TRANK1: variants seen among roughly 807,000 people sequenced by gnomAD.
TRANK1 encodes TPR and ankyrin repeat-containing protein 1.
TRANK1 carries 198 observed loss-of-function variants against 266.0 expected under a neutral mutation model. That is an observed-to-expected ratio of 0.74 (90% CI 0.66 to 0.84). The LOEUF (loss-of-function observed/expected upper bound fraction) is 0.84, where lower values mean the gene tolerates loss of function less well. TRANK1 is among the 40% of genes least tolerant of loss of function. TRANK1 has a pLI of 0.00. For missense variants in TRANK1, 3,326 were observed against 3,634.6 expected, an observed-to-expected ratio of 0.92 and a Z score of 2.18; for synonymous variants, 1,396 against 1,384.1, an observed-to-expected ratio of 1.01 and a Z score of -0.19.
chr3:36,875,047 A>T (rs2079366501), intron 8 of TRANK1, among the ~76,000 whole-genome samples: 1 of 151,668 alleles, frequency 6.6e-6, no homozygotes, highest in South Asian at 2.1e-4. Flanking sequence ...TTTCCCACCC[A>T]TCGAGAATCT....
chr3:36,847,504 G>T (rs1219569418), intron 15 of TRANK1, among the ~76,000 whole-genome samples, 158 bp from the exon 16 acceptor site: 4 of 152,124 alleles, frequency 2.6e-5, no homozygotes, highest in Admixed American at 2.0e-4. Context: ...ATGGATAGGA[G>T]GGAGATTAAC....
chr3:36,889,708 A>G lies in TRANK1; in HGVS notation c.907+121T>C, dbSNP rs1299111721. 6 of 1,309,898 alleles carry G rather than the reference A, an allele frequency of 4.6e-6. No individual in the cohort carries two copies. The African/African-American group carries it at 7.5e-5, about 16-fold the overall frequency. 81.1% of individuals were successfully genotyped at this position (1,309,898 alleles called of 1,614,324 possible). On this transcript the variant is annotated intron_variant, in intron 8 of 23. Transcript: ENST00000645898. Reference sequence around the variant, plus strand: ...CAAAATCAAGTTTAGTTCAAGGGGAAGTTTAGCCCTCTGAGCCAGCTAGGG... The same window carrying G: ...CAAAATCAAGTTTAGTTCAAGGGGAGGTTTAGCCCTCTGAGCCAGCTAGGG...
At chr3:36,902,114 G>A (rs1481782783) in intron 3 of TRANK1, among the ~76,000 whole-genome samples, 1 of 152,010 alleles carries the variant, frequency 6.6e-6, no homozygotes, top group African/African-American at 2.4e-5. Flanking sequence ...TAGCTGATAA[G>A]CTTTAAAAAA....
At chr3:36,930,234 G>A (rs1286226275) in intron 1 of TRANK1, among the ~76,000 whole-genome samples, 7 of 152,242 alleles carry the variant, frequency 4.6e-5, no homozygotes, top group East Asian at 1.9e-4. Flanking sequence ...CCTTGAAGGC[G>A]GAGCGGGGAG....
chr3:36,840,233 C>CAAA (rs755362525), intron 18 of TRANK1, among the ~76,000 whole-genome samples: 1 of 131,840 alleles, frequency 7.6e-6, no homozygotes, highest in Non-Finnish European at 1.7e-5. Context: ...CCTGCCCCAC[C>CAAA]AAAAAAAAAA....
At chr3:36,851,397 C>G (rs953833763) in intron 15 of TRANK1, 2 of 1,081,242 alleles carry the variant, frequency 1.8e-6, no homozygotes, top group Admixed American at 1.0e-4. Context: ...CTCCTTAGAG[C>G]TTGCTCCAAC....
chr3:36,941,281 T>C (rs1024523388), intron 1 of TRANK1, among the ~76,000 whole-genome samples: 3 of 152,198 alleles, frequency 2.0e-5, no homozygotes, highest in Non-Finnish European at 1.5e-5. Context: ...AAAATGTTGC[T>C]GGAACTTCAA....
rs765917964 is a variant in TRANK1, at chr3:36,833,873, A to G, written c.5710T>C (p.Ser1904Pro). Reference sequence around the variant, plus strand: ...AAGTAAAACTGACTGGCAGAATAGGAGAGCTTGGAAATGGGAAGGGTCTTA... The same window carrying G: ...AAGTAAAACTGACTGGCAGAATAGGGGAGCTTGGAAATGGGAAGGGTCTTA... ...KTKTLPISKLSYSASQFYLEA... is the reference protein window; with the variant it reads ...KTKTLPISKLPYSASQFYLEA... The change falls in exon 22 of 24, where the codon TCC (serine) becomes CCC (proline). Residue 1904 changes from serine (S) to proline (P), a missense_variant. Coordinates refer to ENST00000645898, the MANE Select transcript of TRANK1 (RefSeq NM_001329998.2). 15 of 1,613,708 alleles carry G rather than the reference A, an allele frequency of 9.3e-6. No homozygotes were observed.
At chr3:36,918,584 A>T (rs1430896993) in intron 1 of TRANK1, among the ~76,000 whole-genome samples, 29 of 110,788 alleles carry the variant, frequency 2.6e-4, no homozygotes, top group Middle Eastern at 3.9e-3. Context: ...GGAAGGAAGG[A>T]AGGAAGGAAG....
intron 13 of TRANK1, 51 bp from the exon 14 acceptor site, chr3:36,852,396 T>A: frequency 3.4e-6 from 5 of 1,477,050 alleles, no homozygotes; most frequent in Non-Finnish European, 4.5e-6. Flanking sequence ...ATGGCTGAGT[T>A]TTTTGGTTAT....
At chr3:36,900,896 C>T (rs541648892) in intron 3 of TRANK1, among the ~76,000 whole-genome samples, 4 of 92,710 alleles carry the variant, frequency 4.3e-5, no homozygotes, top group African/African-American at 1.5e-4. Flanking sequence ...TGTTCACCAA[C>T]TGGGTTCATA....
In TRANK1 at chr3:36,879,595, TATAA is replaced by T. The variant is rs1481702082; in HGVS notation, c.908-5303_908-5300del. Among the ~76,000 whole-genome samples the T allele has an allele frequency of 2.5e-4, 27 of 109,776 alleles. 4 individuals are homozygous for T. The highest frequency in any genetic ancestry group is 1.6e-3 in the East Asian group (5 of 3,174). 72.0% of individuals were successfully genotyped at this position (109,776 alleles called of 152,430 possible). A position where few individuals can be genotyped will look rare whatever the true frequency, so the allele number is the denominator to read the frequency against. On this transcript the variant is annotated intron_variant, in intron 8 of 23. Transcript: ENST00000645898. Reference sequence around the variant, plus strand: ...ATAAATATATATAAATATACAAATATATAAATATATATAAATATACAAATATATA... The same window carrying T: ...ATAAATATATATAAATATACAAATATATATATATAAATATACAAATATATA...
chr3:36,941,931 T>C (rs903104066), intron 1 of TRANK1, among the ~76,000 whole-genome samples: 1 of 152,186 alleles, frequency 6.6e-6, no homozygotes, highest in Non-Finnish European at 1.5e-5. Context: ...CATCTGGAAA[T>C]GCAGTGGAGG....
intron 6 of TRANK1, among the ~76,000 whole-genome samples, chr3:36,892,644 C>T (rs2079717949): frequency 6.6e-6 from 1 of 152,082 alleles, no homozygotes; most frequent in Non-Finnish European, 1.5e-5. Flanking sequence ...GCCAGGCCAA[C>T]ATGGCGAAAC....
intron 10 of TRANK1, 120 bp from the exon 11 acceptor site, chr3:36,861,280 A>T: frequency 1.6e-6 from 2 of 1,275,596 alleles, no homozygotes; most frequent in South Asian, 1.6e-5. Flanking sequence ...GTAGTTGATT[A>T]TTTGGGCCAT....
intron 1 of TRANK1, among the ~76,000 whole-genome samples, chr3:36,917,385 C>T (rs185076561): frequency 4.6e-4 from 70 of 152,074 alleles, no homozygotes; most frequent in African/African-American, 1.5e-3. Context: ...GGACAATATA[C>T]ATTATGAGCT....
chr3:36,902,320 G>A (rs184044850), intron 3 of TRANK1, among the ~76,000 whole-genome samples: 14 of 152,268 alleles, frequency 9.2e-5, no homozygotes, highest in Non-Finnish European at 4.4e-5. Context: ...GTACTCTATA[G>A]GTCAAACCTC....
chr3:36,857,680 G>C lies in TRANK1; in HGVS notation c.2042C>G (p.Ser681Cys), dbSNP rs2079077413. ...TGGCACTGACTTGAATGAACCCTGG[G>C]ACTTGAGCTGAGATGTGTGACCAGG... is the stretch of plus-strand genomic sequence containing the variant. Reference protein sequence around the residue: ...TAPGHTSQLKSQGSFKSVPCG... With the variant: ...TAPGHTSQLKCQGSFKSVPCG... The change falls in exon 13 of 24, where the codon TCC (serine) becomes TGC (cysteine). Residue 681 changes from serine (S) to cysteine (C), a missense_variant. Ser to Cys is a moderately radical substitution (Grantham distance 112). Transcript: ENST00000645898. This position sits in a 1 kb window ranked among gnomAD's most constrained non-coding sequence, Gnocchi z 4.3. The C allele has an allele frequency of 6.2e-7, 1 of 1,613,902 alleles. No individual in the cohort carries two copies. Among genetic ancestry groups the C allele is most frequent in the South Asian group, 1.1e-5 (1 of 91,088 alleles).
intron 17 of TRANK1, among the ~76,000 whole-genome samples, chr3:36,843,766 C>A (rs1469632811): frequency 2.0e-5 from 3 of 152,162 alleles, no homozygotes; most frequent in Non-Finnish European, 4.4e-5. Context: ...GGGAGTGAGG[C>A]AGACAGGTCA....
Sources: allele counts gnomAD v4.1 joint callset (sites outside exome capture counted in the v4.1 genomes callset), GRCh38; gene constraint gnomAD v4.1.1; non-coding constraint Gnocchi (gnomAD v3.1); transcripts MANE v1.5; gene names NCBI Gene and HGNC (gene_info 2026-07-23, HGNC 2026-07-21).